RABGAP1L: variants seen among roughly 807,000 people sequenced by gnomAD.
RABGAP1L encodes RAB GTPase activating protein 1 like.
A neutral mutation model predicts 137.7 loss-of-function variants in RABGAP1L; 63 were observed. The ratio of observed to expected loss-of-function variants is 0.46; its 90% CI spans 0.37 to 0.56. The LOEUF (loss-of-function observed/expected upper bound fraction) is 0.56. RABGAP1L is among the 20% of genes least tolerant of loss of function. The pLI is 0.00. For missense variants in RABGAP1L, 1,095 were observed against 1,244.0 expected (o/e 0.88, Z 1.80); for synonymous variants, 431 against 433.7 (o/e 0.99, Z 0.08).
intron 2 of RABGAP1L, among the ~76,000 whole-genome samples, chr1:174,220,484 G>A (rs1352262748): frequency 6.6e-6 from 1 of 152,052 alleles, no homozygotes; most frequent in Non-Finnish European, 1.5e-5. Flanking sequence ...CCTGGCCAAT[G>A]TGGGGAAATC....
At chr1:174,980,563 G>A (rs1028035807) in intron 23 of RABGAP1L, among the ~76,000 whole-genome samples, 6 of 152,200 alleles carry the variant, frequency 3.9e-5, no homozygotes, top group African/African-American at 1.4e-4. Context: ...AGAGAGAACA[G>A]GATGTGCAAA....
intron 7 of RABGAP1L, among the ~76,000 whole-genome samples, chr1:174,270,144 G>A (rs1182108729): frequency 6.6e-6 from 1 of 151,016 alleles, no homozygotes; most frequent in African/African-American, 2.4e-5. Flanking sequence ...AGGGAGCAGA[G>A]TCCCAGGGGG....
intron 10 of RABGAP1L, among the ~76,000 whole-genome samples, chr1:174,298,952 C>G (rs370570753): frequency 8.5e-5 from 13 of 152,170 alleles, no homozygotes; most frequent in African/African-American, 3.1e-4. Context: ...CAGGGTTAGT[C>G]TAAAATGTAG....
intron 17 of RABGAP1L, among the ~76,000 whole-genome samples, chr1:174,732,510 G>T (rs916475612): frequency 6.6e-6 from 1 of 151,996 alleles, no homozygotes; most frequent in Non-Finnish European, 1.5e-5. Flanking sequence ...GTGAACAAAC[G>T]AATTTAAAAT....
intron 18 of RABGAP1L, among the ~76,000 whole-genome samples, chr1:174,798,236 A>AAT (rs1688421440): frequency 7.1e-6 from 1 of 141,746 alleles, no homozygotes; most frequent in African/African-American, 3.1e-5. Flanking sequence ...CTCTACTAAA[A>AAT]ATACAAAAAA....
chr1:174,830,567 C>T (rs1486827507), intron 19 of RABGAP1L, among the ~76,000 whole-genome samples: 1 of 147,022 alleles, frequency 6.8e-6, no homozygotes, highest in Non-Finnish European at 1.5e-5. Context: ...ACCTCTGCCT[C>T]CCAGGTTCAA....
chr1:174,642,873 A>G (rs1488004778), intron 14 of RABGAP1L, among the ~76,000 whole-genome samples: 1 of 150,726 alleles, frequency 6.6e-6, no homozygotes, highest in East Asian at 2.0e-4. Flanking sequence ...CAACTTCAGC[A>G]TCCCAGGCTC....
At chr1:174,568,934 T>A (rs1034266563) in intron 13 of RABGAP1L, among the ~76,000 whole-genome samples, 1 of 152,356 alleles carries the variant, frequency 6.6e-6, no homozygotes, top group Admixed American at 6.5e-5. Context: ...AATGTTTACA[T>A]GTGTTGGGTA....
chr1:174,575,711 T>G (rs1212484986), intron 13 of RABGAP1L, among the ~76,000 whole-genome samples: 1 of 152,214 alleles, frequency 6.6e-6, no homozygotes, highest in Non-Finnish European at 1.5e-5. Flanking sequence ...TTTATTGTAT[T>G]TATTGTGGGA....
intron 19 of RABGAP1L, among the ~76,000 whole-genome samples, chr1:174,946,774 G>A (rs976657721): frequency 1.3e-5 from 2 of 150,486 alleles, no homozygotes; most frequent in Admixed American, 6.7e-5. Context: ...GGTGGCAGGC[G>A]CTTGTAATCC....
chr1:174,615,888 C>T (rs912617226), intron 13 of RABGAP1L, among the ~76,000 whole-genome samples: 3 of 152,200 alleles, frequency 2.0e-5, no homozygotes, highest in Non-Finnish European at 4.4e-5. Flanking sequence ...GAGCCAGGTG[C>T]AGGATATAAT....
intron 19 of RABGAP1L, among the ~76,000 whole-genome samples, chr1:174,943,878 G>C (rs1001285458): frequency 3.9e-5 from 6 of 152,182 alleles, no homozygotes; most frequent in Admixed American, 3.9e-4. Flanking sequence ...TCCTCCAGGG[G>C]ATAGACTGTG....
At chr1:174,332,481 C>T (rs191991785) in intron 11 of RABGAP1L, among the ~76,000 whole-genome samples, 1 of 152,038 alleles carries the variant, frequency 6.6e-6, no homozygotes, top group Non-Finnish European at 1.5e-5. Flanking sequence ...ACTGCAACCT[C>T]TACGTCTGGG....
chr1:174,216,561 CTTT>C (rs1210583973), intron 1 of RABGAP1L, among the ~76,000 whole-genome samples: 3 of 143,040 alleles, frequency 2.1e-5, no homozygotes, highest in Non-Finnish European at 4.6e-5. Context: ...TCCCCCTCCC[CTTT>C]TTTTTTTTGC....
chr1:174,958,275 A>G lies in RABGAP1L; in HGVS notation c.2433+726A>G, dbSNP rs576702643. On this transcript the variant is annotated intron_variant, in intron 20 of 25. Transcript: ENST00000681986. ...AGTTAAAGTATGAAGTTTCAGAATC[A>G]AAATAATTTCATTTTAATACGTTCG... The G allele has an allele frequency of 4.6e-6, 5 of 1,078,262 alleles. No homozygotes were observed. The African/African-American group carries it at 8.2e-5, about 18-fold the overall frequency. 66.8% of individuals were successfully genotyped at this position (1,078,262 alleles called of 1,614,324 possible). A position where few individuals can be genotyped will look rare whatever the true frequency, so the allele number is the denominator to read the frequency against.
chr1:174,703,904 G>A (rs910700488), intron 17 of RABGAP1L, among the ~76,000 whole-genome samples: 1 of 152,040 alleles, frequency 6.6e-6, no homozygotes, highest in African/African-American at 2.4e-5. Flanking sequence ...GTCTGTTTAT[G>A]TCCTTTGCCC....
chr1:174,905,067 G>A (rs1394466974), intron 19 of RABGAP1L, among the ~76,000 whole-genome samples: 1 of 152,162 alleles, frequency 6.6e-6, no homozygotes, highest in Non-Finnish European at 1.5e-5. Context: ...CTAGCGTCAA[G>A]GTGAACCTGG....
chr1:174,432,642 A>G (rs530510373), intron 13 of RABGAP1L, among the ~76,000 whole-genome samples: 5 of 152,064 alleles, frequency 3.3e-5, no homozygotes, highest in South Asian at 2.1e-4. Context: ...GGTTCAGGCA[A>G]TTCTCCTGCC....
intron 19 of RABGAP1L, among the ~76,000 whole-genome samples, chr1:174,864,729 C>T (rs1650905647): frequency 6.6e-6 from 1 of 152,208 alleles, no homozygotes; most frequent in South Asian, 2.1e-4. Context: ...ACCATATCAA[C>T]TGTGTTTCTG....
Sources: allele counts gnomAD v4.1 joint callset (sites outside exome capture counted in the v4.1 genomes callset), GRCh38; gene constraint gnomAD v4.1.1; transcripts MANE v1.5; gene names NCBI Gene and HGNC (gene_info 2026-07-23, HGNC 2026-07-21).